The following MECOM variants were observed in gnomAD, a reference collection of about 807,000 sequenced individuals.
MECOM encodes MDS1 and EVI1 complex locus.
In MECOM, 13 loss-of-function variants were observed where a neutral mutation model predicts 116.3. That is an observed-to-expected ratio of 0.11 (90% CI 0.07 to 0.18). The LOEUF (loss-of-function observed/expected upper bound fraction) is 0.18. Among genes scored for constraint, MECOM ranks in the 10% least tolerant of loss-of-function variants. MECOM has a pLI of 1.00. For missense variants in MECOM, 1,299 were observed against 1,509.0 expected (o/e 0.86, Z 2.31); for synonymous variants, 528 against 535.2 (o/e 0.99, Z 0.19).
chr3:169,426,894 A>G (rs1254774869), intron 1 of MECOM, among the ~76,000 whole-genome samples: 1 of 152,246 alleles, frequency 6.6e-6, no homozygotes, highest in Admixed American at 6.5e-5. Context: ...ACTATGTGCC[A>G]GATATTGTAT....
intron 2 of MECOM, among the ~76,000 whole-genome samples, chr3:169,377,989 G>C (rs1731328148): frequency 6.6e-6 from 1 of 152,048 alleles, no homozygotes; most frequent in African/African-American, 2.4e-5. Flanking sequence ...ACACTATGCA[G>C]CCATAAAAAA....
intron 2 of MECOM, among the ~76,000 whole-genome samples, chr3:169,320,728 AT>A (rs1219402067): frequency 2.0e-5 from 3 of 152,032 alleles, no homozygotes; most frequent in Non-Finnish European, 4.4e-5. Flanking sequence ...ATGAAACTGT[AT>A]TTTCTTTCTT....
chr3:169,547,339 C>A (rs1050048915), intron 1 of MECOM, among the ~76,000 whole-genome samples: 1 of 152,180 alleles, frequency 6.6e-6, no homozygotes, highest in Non-Finnish European at 1.5e-5. Context: ...CCTGTACAAC[C>A]TATGGAACTG....
intron 1 of MECOM, among the ~76,000 whole-genome samples, chr3:169,532,077 A>G (rs1366523694): frequency 1.3e-5 from 2 of 152,228 alleles, no homozygotes; most frequent in Non-Finnish European, 2.9e-5. Context: ...TCACAAGCCT[A>G]GCTTGGAAAT....
chr3:169,331,194 T>C (rs1306968508), intron 2 of MECOM, among the ~76,000 whole-genome samples: 3 of 151,900 alleles, frequency 2.0e-5, no homozygotes, highest in African/African-American at 7.2e-5. Context: ...ATGAGAAAAC[T>C]GAGGCTTACA....
intron 2 of MECOM, among the ~76,000 whole-genome samples, chr3:169,366,622 G>GGCC (rs1729208703): frequency 6.6e-6 from 1 of 151,996 alleles, no homozygotes; most frequent in African/African-American, 2.4e-5. Flanking sequence ...TTTGAGGGCA[G>GGCC]CTGGCCTCTG....
At chr3:169,398,984 A>G (rs1735446616) in intron 1 of MECOM, among the ~76,000 whole-genome samples, 1 of 152,162 alleles carries the variant, frequency 6.6e-6, no homozygotes, top group African/African-American at 2.4e-5. Flanking sequence ...CTCCATGTTC[A>G]TCATCTCCTC....
intron 2 of MECOM, among the ~76,000 whole-genome samples, chr3:169,243,227 G>C (rs1488460580): frequency 1.3e-5 from 2 of 152,104 alleles, no homozygotes; most frequent in African/African-American, 4.8e-5. Context: ...CCACTATAAA[G>C]TACTCCCCCA....
At chr3:169,315,042 G>A (rs1719496104) in intron 2 of MECOM, among the ~76,000 whole-genome samples, 1 of 152,138 alleles carries the variant, frequency 6.6e-6, no homozygotes. Context: ...TTACAGATGG[G>A]GAAATTGAGG....
chr3:169,437,169 C>T (rs577180756), intron 1 of MECOM, among the ~76,000 whole-genome samples: 1 of 152,270 alleles, frequency 6.6e-6, no homozygotes, highest in Admixed American at 6.5e-5. Context: ...CCAAGGCTTA[C>T]AATATTAAAC....
At position 169,477,139 on chromosome 3, in the gene MECOM, A is replaced by G. The variant is rs1258295520; in HGVS notation, c.38-95615T>C. ...TATATATATATATATATATATATAT[A>G]TATATATATACACACACACACAATT... On this transcript the variant is annotated intron_variant, in intron 1 of 16. Transcript: ENST00000651503. 3 of 70,130 alleles carry G rather than the reference A, an allele frequency of 4.3e-5. 1 individual carries two copies. The highest frequency in any genetic ancestry group is 1.6e-4 in the African/African-American group (3 of 18,182). The allele number at this position is 70,130 out of a possible 1,614,324, so 4.3% of individuals were successfully genotyped here.
rs540063835 is a variant in MECOM at position 169,482,988 on chromosome 3, T to C, written c.38-101464A>G. Among the ~76,000 whole-genome samples the C allele has an allele frequency of 7.2e-5, 11 of 152,296 alleles. No homozygotes were observed. In the Middle Eastern group the frequency reaches 0.01, roughly 141 times the overall value. ...TTGTTCCTGTAAAGGTAAATAAATATTGACAGAGGTTTCACTTTGGTCCAT... is the reference window on the plus strand; with the variant it reads ...TTGTTCCTGTAAAGGTAAATAAATACTGACAGAGGTTTCACTTTGGTCCAT... On this transcript the variant is annotated intron_variant, in intron 1 of 16. Coordinates refer to ENST00000651503, the MANE Select transcript of MECOM (RefSeq NM_004991.4).
chr3:169,301,853 A>C (rs771070609), intron 2 of MECOM, among the ~76,000 whole-genome samples: 2 of 152,058 alleles, frequency 1.3e-5, no homozygotes, highest in African/African-American at 2.4e-5. Context: ...CAAATACAGG[A>C]TCCTTTTATG....
chr3:169,296,753 A>G (rs1034559451), intron 2 of MECOM, among the ~76,000 whole-genome samples: 17 of 152,222 alleles, frequency 1.1e-4, no homozygotes, highest in African/African-American at 4.1e-4. Flanking sequence ...TTTGCCTGAG[A>G]TGAACCTGAG....
At chr3:169,438,998 A>C (rs550396685) in intron 1 of MECOM, among the ~76,000 whole-genome samples, 1 of 152,000 alleles carries the variant, frequency 6.6e-6, no homozygotes, top group Admixed American at 6.6e-5. Context: ...AACAGGCTAC[A>C]TTAAAATAAG....
At chr3:169,262,754 C>T (rs1216991506) in intron 2 of MECOM, among the ~76,000 whole-genome samples, 1 of 152,010 alleles carries the variant, frequency 6.6e-6, no homozygotes, top group Non-Finnish European at 1.5e-5. Flanking sequence ...TGTGTGAAGC[C>T]ATGAGATTTA....
intron 2 of MECOM, among the ~76,000 whole-genome samples, chr3:169,264,677 T>C (rs987246916): frequency 6.6e-6 from 1 of 152,206 alleles, no homozygotes; most frequent in African/African-American, 2.4e-5. Context: ...TACCCTCTCA[T>C]CCTTCCAACT....
intron 2 of MECOM, among the ~76,000 whole-genome samples, chr3:169,217,137 A>T (rs1163955844): frequency 3.3e-5 from 5 of 152,196 alleles, no homozygotes; most frequent in Middle Eastern, 3.2e-3. Context: ...TGAACTCATA[A>T]CAGAATGATC....
At chr3:169,255,588 T>C (rs1756765660) in intron 2 of MECOM, among the ~76,000 whole-genome samples, 1 of 152,170 alleles carries the variant, frequency 6.6e-6, no homozygotes, top group Non-Finnish European at 1.5e-5. Context: ...GATGCTATTT[T>C]AGAAGTTTCA....
Sources: allele counts gnomAD v4.1 joint callset (sites outside exome capture counted in the v4.1 genomes callset), GRCh38; gene constraint gnomAD v4.1.1; transcripts MANE v1.5; gene names NCBI Gene and HGNC (gene_info 2026-07-23, HGNC 2026-07-21).